The following SFMBT2 variants were observed in gnomAD, a reference collection of about 807,000 sequenced individuals.
The protein encoded by SFMBT2 is scm-like with four MBT domains protein 2.
A neutral mutation model predicts 110.1 loss-of-function variants in SFMBT2; 38 were observed. The observed-to-expected ratio is 0.35, with a 90% CI of 0.27 to 0.45. SFMBT2 has a LOEUF of 0.45. Ranked by LOEUF, SFMBT2 falls within the 20% of genes least tolerant of loss-of-function variation. The pLI is 1.00. For missense variants in SFMBT2, 1,011 were observed against 1,094.9 expected, an observed-to-expected ratio of 0.92 and a Z score of 1.08; for synonymous variants, 425 against 425.4, an observed-to-expected ratio of 1.00 and a Z score of 0.01.
intron 4 of SFMBT2, among the ~76,000 whole-genome samples, chr10:7,309,268 C>CTT (rs1842782394): frequency 6.6e-6 from 1 of 152,216 alleles, no homozygotes; most frequent in Non-Finnish European, 1.5e-5. Flanking sequence ...GTCTTTGTCA[C>CTT]TGTTATGAAG....
rs1232210315 is a variant in SFMBT2 at position 7,227,896 on chromosome 10, G to T, written c.1162C>A (p.Gln388Lys). 6.2e-7 allele frequency: 1 copy of T among 1,608,056 alleles called. No homozygotes were observed. Among genetic ancestry groups the T allele is most frequent in the Non-Finnish European group, 8.5e-7 (1 of 1,178,022 alleles). Residue 388 changes from glutamine (Q) to lysine (K), a missense_variant, in exon 10 of 21, where the codon CAG (glutamine) becomes AAG (lysine). Gln to Lys is a moderately conservative substitution (Grantham distance 53). Coordinates refer to ENST00000397167, the MANE Select transcript of SFMBT2 (RefSeq NM_001387889.1). ...QDFDWADYHK[Q>K]HGAQEAPPFC... is the part of the protein sequence containing the mutation. ...GGAGGGGCTTCCTGCGCCCCATGCT[G>T]CTTGTGATAATCTGCCCAGTCGAAG...
chr10:7,227,454 T>C (rs914704983), intron 10 of SFMBT2, among the ~76,000 whole-genome samples: 2 of 152,220 alleles, frequency 1.3e-5, no homozygotes, highest in East Asian at 1.9e-4. Context: ...CAGTAGAAAG[T>C]AAACAGCAAT....
chr10:7,325,853 C>A (rs1410210507), intron 4 of SFMBT2, among the ~76,000 whole-genome samples: 1 of 152,098 alleles, frequency 6.6e-6, no homozygotes, highest in Non-Finnish European at 1.5e-5. Context: ...TCTGAATATA[C>A]TAAAACCATT....
At chr10:7,357,728 A>C (rs567845982) in intron 4 of SFMBT2, among the ~76,000 whole-genome samples, 1 of 152,356 alleles carries the variant, frequency 6.6e-6, no homozygotes, top group South Asian at 2.1e-4. Flanking sequence ...CTTTGAACTG[A>C]AGGTCGTACT....
At chr10:7,299,784 C>A (rs1333808219) in intron 4 of SFMBT2, among the ~76,000 whole-genome samples, 1 of 151,914 alleles carries the variant, frequency 6.6e-6, no homozygotes, top group Non-Finnish European at 1.5e-5. Flanking sequence ...GATTTATATA[C>A]CCAAAGGAAT....
intron 7 of SFMBT2, among the ~76,000 whole-genome samples, chr10:7,251,043 A>G (rs541523828): frequency 1.1e-4 from 17 of 152,356 alleles, no homozygotes; most frequent in African/African-American, 3.8e-4. Flanking sequence ...CAAAGAAAAG[A>G]CAAATATTTA....
intron 8 of SFMBT2, among the ~76,000 whole-genome samples, chr10:7,244,693 C>T (rs1351336097): frequency 6.6e-6 from 1 of 152,196 alleles, no homozygotes; most frequent in East Asian, 1.9e-4. Flanking sequence ...ATTCAACAGA[C>T]ATAACCCAGT....
chr10:7,205,572 T>A (rs139933423), intron 12 of SFMBT2: 14 of 985,432 alleles, frequency 1.4e-5, no homozygotes, highest in Non-Finnish European at 1.7e-5. Context: ...TGATTTCAGA[T>A]ATTTTTCCTC....
chr10:7,167,499 C>A (rs912212625), intron 20 of SFMBT2, among the ~76,000 whole-genome samples: 1 of 152,122 alleles, frequency 6.6e-6, no homozygotes, highest in Non-Finnish European at 1.5e-5. Flanking sequence ...ATAGCGATGA[C>A]CATGCTGTGC....
chr10:7,262,024 G>A (rs544005525), intron 7 of SFMBT2, among the ~76,000 whole-genome samples: 8 of 152,344 alleles, frequency 5.3e-5, no homozygotes, highest in South Asian at 2.1e-4. Context: ...GGCAAGGCCC[G>A]GTGGCATGGC....
At position 7,205,911 on chromosome 10, in the gene SFMBT2, G is replaced by T. The variant is rs765508502; in HGVS notation, c.1348C>A (p.Pro450Thr). The change falls in exon 12 of 21, where the codon CCA becomes ACA. Residue 450 changes from proline (P) to threonine (T), a missense_variant. This residue lies in a region of SFMBT2 where 979 missense variants were observed against 1,016.1 expected (regional missense o/e 0.96). Transcript: ENST00000397167. ...LHLEGLQTPV[P>T]EVIVDVESMD... is the part of the protein sequence containing the mutation. ...GATTCCACATCAACAATGACCTCTGGAACAGGAGTCTGCAGCCCTGCATGG... is the reference window on the plus strand; with the variant it reads ...GATTCCACATCAACAATGACCTCTGTAACAGGAGTCTGCAGCCCTGCATGG... 1 of 1,613,970 alleles carries T rather than the reference G, an allele frequency of 6.2e-7. No homozygotes were observed. The highest frequency in any genetic ancestry group is 1.7e-5 in the Admixed American group (1 of 59,994).
chr10:7,185,242 A>G (rs1018215344), intron 16 of SFMBT2, among the ~76,000 whole-genome samples: 5 of 152,234 alleles, frequency 3.3e-5, no homozygotes, highest in Admixed American at 2.6e-4. Context: ...AGACTGGTTC[A>G]TGGCTTTGCT....
At chr10:7,164,628 C>A (rs1483902989) in intron 20 of SFMBT2, among the ~76,000 whole-genome samples, 1 of 152,072 alleles carries the variant, frequency 6.6e-6, no homozygotes, top group African/African-American at 2.4e-5. Flanking sequence ...AAAGGAATCT[C>A]TACTAAAAGA....
At chr10:7,305,963 A>C (rs1022134518) in intron 4 of SFMBT2, among the ~76,000 whole-genome samples, 4 of 152,406 alleles carry the variant, frequency 2.6e-5, no homozygotes, top group African/African-American at 9.6e-5. Flanking sequence ...GAAAGAAATT[A>C]GCCTTCAGTG....
At chr10:7,315,422 C>T (rs550393840) in intron 4 of SFMBT2, among the ~76,000 whole-genome samples, 2 of 152,198 alleles carry the variant, frequency 1.3e-5, no homozygotes, top group African/African-American at 4.8e-5. Context: ...GGCTTTTTCC[C>T]ACCTTCCAAC....
At chr10:7,222,249 AAAG>A (rs1839765986) in intron 10 of SFMBT2, among the ~76,000 whole-genome samples, 1 of 152,238 alleles carries the variant, frequency 6.6e-6, no homozygotes, top group Non-Finnish European at 1.5e-5. Context: ...CTTACCAGTT[AAAG>A]GACATTTGAG....
Position 7,253,825 on chromosome 10 carries a change from CAAAAAAAA to C in SFMBT2, c.871-5184_871-5177del, listed in dbSNP as rs3065776. 4.8e-4 allele frequency among the ~76,000 whole-genome samples: 64 copies of C among 134,054 alleles called. 1 individual carries two copies. Among genetic ancestry groups the C allele is most frequent in the Non-Finnish European group, 1.1e-4 (7 of 63,888 alleles). The allele number at this position is 134,054 out of a possible 152,430, so 87.9% of individuals were successfully genotyped here. A position where few individuals can be genotyped will look rare whatever the true frequency, so the allele number is the denominator to read the frequency against. On this transcript the variant is annotated intron_variant, in intron 7 of 20. Coordinates refer to ENST00000397167, the MANE Select transcript of SFMBT2 (RefSeq NM_001387889.1). ...TGAAAATCACTTTCTAATCAACAAC[CAAAAAAAA>C]AAAAAAAAAATCCCTCTATGACCAT...
intron 4 of SFMBT2, chr10:7,287,236 T>A (rs1042545657): frequency 6.6e-6 from 1 of 152,306 alleles, no homozygotes; most frequent in Non-Finnish European, 1.5e-5. Flanking sequence ...CCCGCCACCA[T>A]GCCCGGCTAA....
At chr10:7,183,049 G>A (rs2131559503) in intron 16 of SFMBT2, among the ~76,000 whole-genome samples, 1 of 152,170 alleles carries the variant, frequency 6.6e-6, no homozygotes, top group East Asian at 1.9e-4. Context: ...AAAGTAAGAG[G>A]AAAATATTAA....
Sources: gnomAD v4.1 joint callset for allele counts (sites outside exome capture counted in the v4.1 genomes callset) on GRCh38, gnomAD v4.1.1 for gene constraint, gnomAD v4.1.1 regional missense constraint, MANE v1.5 for transcripts, NCBI Gene and HGNC (gene_info 2026-07-23, HGNC 2026-07-21) for gene names.